The following CENPW variants were observed in gnomAD, a reference collection of about 807,000 sequenced individuals.
CENPW encodes centromere protein W.
In CENPW, 3 loss-of-function variants were observed where a neutral mutation model predicts 11.1. That is an observed-to-expected ratio of 0.27 (90% CI 0.12 to 0.70). The LOEUF (loss-of-function observed/expected upper bound fraction) is 0.70, where lower values mean the gene tolerates loss of function less well. Ranked by LOEUF, CENPW falls within the 30% of genes least tolerant of loss-of-function variation. The pLI is 0.77. For synonymous variants in CENPW, 38 were observed against 42.0 expected, an observed-to-expected ratio of 0.91 and a Z score of 0.37; for missense variants, 100 against 105.6, an observed-to-expected ratio of 0.95 and a Z score of 0.23.
the CENPW span, among the ~76,000 whole-genome samples, chr6:126,392,741 T>C: frequency 3.9e-5 from 6 of 151,990 alleles, no homozygotes; most frequent in Admixed American, 6.6e-5. Flanking sequence ...ATCAGGGATA[T>C]TAGCTTCTAG....
the CENPW span, among the ~76,000 whole-genome samples, chr6:126,415,257 A>G: frequency 6.6e-6 from 1 of 152,090 alleles, no homozygotes; most frequent in Admixed American, 6.6e-5. Flanking sequence ...TTTGTTGTAT[A>G]TATATTTCCA....
chr6:126,402,922 A>G, the CENPW span, among the ~76,000 whole-genome samples: 1 of 152,048 alleles, frequency 6.6e-6, no homozygotes, highest in African/African-American at 2.4e-5. Context: ...CCCTGTGTGG[A>G]GCAAGTCTAT....
chr6:126,371,882 C>T, the CENPW span, among the ~76,000 whole-genome samples: 341 of 152,062 alleles, frequency 2.2e-3, 2 homozygotes, highest in Middle Eastern at 6.8e-3. Flanking sequence ...TTCATAGTAG[C>T]CTTGAACAAT....
At chr6:126,370,754 CT>C in the CENPW span, among the ~76,000 whole-genome samples, 1,500 of 144,252 alleles carry the variant, frequency 0.01, 21 homozygotes, top group African/African-American at 0.033. Context: ...CAGTTTATTT[CT>C]TTTTTTTTTT....
At chr6:126,346,471 T>C (rs967060374) in intron 2 of CENPW, among the ~76,000 whole-genome samples, 153 bp downstream of exon 2, 2 of 152,232 alleles carry the variant, frequency 1.3e-5, no homozygotes, top group Non-Finnish European at 2.9e-5. Context: ...TAAGGAGTTA[T>C]ATTTCCTCCA....
the CENPW span, among the ~76,000 whole-genome samples, chr6:126,360,500 T>A: frequency 1.3e-5 from 2 of 152,230 alleles, no homozygotes; most frequent in Non-Finnish European, 2.9e-5. Context: ...ATTTTTGTGA[T>A]ATGTAACCTC....
intron 2 of CENPW, among the ~76,000 whole-genome samples, chr6:126,346,742 T>TG (rs1201329654): frequency 1.3e-5 from 2 of 152,140 alleles, no homozygotes; most frequent in Non-Finnish European, 2.9e-5. Flanking sequence ...GAGAGCAGCA[T>TG]GGGGAAAACC....
At chr6:126,422,587 A>T in the CENPW span, among the ~76,000 whole-genome samples, 73 of 152,202 alleles carry the variant, frequency 4.8e-4, no homozygotes, top group African/African-American at 1.7e-3. Context: ...TTTTGGTGGG[A>T]CACAATTCAG....
the CENPW span, among the ~76,000 whole-genome samples, chr6:126,397,214 A>C: frequency 3.3e-5 from 5 of 152,072 alleles, no homozygotes; most frequent in African/African-American, 1.2e-4. Flanking sequence ...AGGCTTGCTG[A>C]AACTCAAGTT....
the CENPW span, among the ~76,000 whole-genome samples, chr6:126,418,741 T>C: frequency 1.2e-4 from 18 of 152,080 alleles, 1 homozygote; most frequent in Middle Eastern, 3.4e-3. Flanking sequence ...ATATTATACA[T>C]GATGCAGCCA....
At chr6:126,398,748 A>C in the CENPW span, among the ~76,000 whole-genome samples, 1 of 151,860 alleles carries the variant, frequency 6.6e-6, no homozygotes, top group African/African-American at 2.4e-5. Flanking sequence ...TGGGGTAGGA[A>C]TAATCCCATA....
At chr6:126,392,715 T>A in the CENPW span, among the ~76,000 whole-genome samples, 1 of 151,984 alleles carries the variant, frequency 6.6e-6, no homozygotes, top group African/African-American at 2.4e-5. Flanking sequence ...TGTTGAGGAT[T>A]TTTGCATTGA....
chr6:126,346,884 G>C (rs1354112014), intron 2 of CENPW, among the ~76,000 whole-genome samples: 1 of 152,040 alleles, frequency 6.6e-6, no homozygotes, highest in Admixed American at 6.6e-5. Flanking sequence ...TTTGGCAGAG[G>C]TTGCAGTGTG....
the CENPW span, among the ~76,000 whole-genome samples, chr6:126,394,439 TTGTC>T: frequency 6.6e-6 from 1 of 152,054 alleles, no homozygotes; most frequent in Non-Finnish European, 1.5e-5. Flanking sequence ...AAATATAACT[TTGTC>T]TGCCTGCTTT....
downstream of CENPW, among the ~76,000 whole-genome samples, chr6:126,351,501 T>G (rs865882741): frequency 1.8e-4 from 27 of 152,200 alleles, no homozygotes; most frequent in African/African-American, 6.5e-4. Context: ...CTACCTGACT[T>G]AGAAAAGAAA....
At chr6:126,476,241 G>A in the CENPW span, among the ~76,000 whole-genome samples, 1 of 151,960 alleles carries the variant, frequency 6.6e-6, no homozygotes, top group African/African-American at 2.4e-5. Context: ...GTTGTGGTCA[G>A]TTGAAGCTCA....
At chr6:126,478,823 A>C in the CENPW span, among the ~76,000 whole-genome samples, 1 of 151,710 alleles carries the variant, frequency 6.6e-6, no homozygotes, top group Non-Finnish European at 1.5e-5. Flanking sequence ...GCTCTTTCTT[A>C]CTCTCTTATC....
chr6:126,353,903 T>G, the CENPW span, among the ~76,000 whole-genome samples: 1 of 152,086 alleles, frequency 6.6e-6, no homozygotes, highest in Admixed American at 6.6e-5. Flanking sequence ...CATGTGTATG[T>G]GTATTTTTTT....
At chr6:126,368,274 A>G in the CENPW span, among the ~76,000 whole-genome samples, 11 of 152,268 alleles carry the variant, frequency 7.2e-5, no homozygotes, top group South Asian at 1.9e-3. Flanking sequence ...ATTGACTTGT[A>G]TGTGTCATAG....
Sources: allele counts gnomAD v4.1 joint callset (sites outside exome capture counted in the v4.1 genomes callset), GRCh38; gene constraint gnomAD v4.1.1; transcripts MANE v1.5; gene names NCBI Gene and HGNC (gene_info 2026-07-23, HGNC 2026-07-21).